SLC5A8: variants seen among roughly 807,000 people sequenced by gnomAD.
SLC5A8 encodes the protein sodium-coupled monocarboxylate transporter 1.
Under a neutral mutation model 71.9 loss-of-function variants are expected in SLC5A8, and 55 were observed. That is an observed-to-expected ratio of 0.77 (90% CI 0.62 to 0.96). The LOEUF is 0.96. Among genes scored for constraint, SLC5A8 ranks in the 40% least tolerant of loss-of-function variants. The pLI, the probability that SLC5A8 is intolerant of heterozygous loss-of-function variation, is 0.00. For synonymous variants in SLC5A8, 307 were observed against 276.1 expected (o/e 1.11, Z -1.11); for missense variants, 701 against 745.3 (o/e 0.94, Z 0.69).
chr12:101,162,492 T>C (rs1448398820), intron 12 of SLC5A8, among the ~76,000 whole-genome samples: 2 of 152,296 alleles, frequency 1.3e-5, no homozygotes, highest in Admixed American at 6.5e-5. Flanking sequence ...GCAATCAACC[T>C]AGGTGCCCAT....
chr12:101,194,817 A>G (rs968616069), intron 4 of SLC5A8, among the ~76,000 whole-genome samples: 4 of 152,170 alleles, frequency 2.6e-5, no homozygotes, highest in Non-Finnish European at 4.4e-5. Flanking sequence ...TATGAGCACA[A>G]ATATAATAAC....
intron 12 of SLC5A8, among the ~76,000 whole-genome samples, chr12:101,164,948 T>G (rs2051755700): frequency 6.6e-6 from 1 of 152,218 alleles, no homozygotes; most frequent in South Asian, 2.1e-4. Flanking sequence ...ACACTCCAAC[T>G]TTGTACTCAC....
intron 3 of SLC5A8, among the ~76,000 whole-genome samples, chr12:101,198,097 A>C (rs1490920567): frequency 1.3e-5 from 2 of 152,060 alleles, no homozygotes; most frequent in Non-Finnish European, 2.9e-5. Context: ...AAGAAATCAC[A>C]GGAGAAGTTA....
In SLC5A8 at chr12:101,158,383, A is replaced by G. The variant is rs2051687816; in HGVS notation, c.1631-55T>C. 5.4e-6 allele frequency: 6 copies of G among 1,108,888 alleles called. 1 individual carries two copies. In the Admixed American group the frequency reaches 1.2e-4, roughly 23 times the overall value. 68.7% of individuals were successfully genotyped at this position (1,108,888 alleles called of 1,614,324 possible). On this transcript the variant is annotated intron_variant, in intron 13 of 14. Transcript: ENST00000536262. ...TGTTAAAAAGGACACCAGTAACTAC[A>G]CAGAGACATTCCATTATACAGGCAT...
chr12:101,170,805 G>C (rs535312883), intron 10 of SLC5A8, among the ~76,000 whole-genome samples: 3 of 152,174 alleles, frequency 2.0e-5, no homozygotes, highest in East Asian at 3.9e-4. Context: ...GTGGAGAATC[G>C]GGACTTTCAC....
intron 10 of SLC5A8, among the ~76,000 whole-genome samples, chr12:101,168,918 G>A (rs537741135): frequency 3.0e-4 from 46 of 152,320 alleles, no homozygotes; most frequent in South Asian, 2.7e-3. Context: ...AGAGAGTAAA[G>A]GGGTTTAATA....
intron 12 of SLC5A8, among the ~76,000 whole-genome samples, chr12:101,165,053 G>A (rs1036335481): frequency 6.6e-6 from 1 of 152,024 alleles, no homozygotes; most frequent in African/African-American, 2.4e-5. Context: ...GCGTATATTT[G>A]CACATTCCCT....
chr12:101,204,511 T>C lies in SLC5A8; in HGVS notation c.406A>G (p.Ile136Val), dbSNP rs908253732. 5.6e-6 allele frequency: 9 copies of C among 1,594,934 alleles called. No individual in the cohort carries two copies. In the African/African-American group the frequency reaches 9.5e-5, roughly 17 times the overall value. The change falls in exon 2 of 15, where the codon ATT becomes GTT. Residue 136 changes from isoleucine (I) to valine (V), a missense_variant. By Grantham distance (29) the Ile-to-Val change is conservative. Coordinates refer to ENST00000536262, the MANE Select transcript of SLC5A8 (RefSeq NM_145913.5). ...GGAGAGCTACTTACTGTTTGAACAA[T>C]GAAGAGGACTGTTCCACAGAGACGA... ...CVRLCGTVLFIVQTILYTGIV... is the reference protein window; with the variant it reads ...CVRLCGTVLFVVQTILYTGIV...
intron 13 of SLC5A8, among the ~76,000 whole-genome samples, chr12:101,160,436 G>T (rs1593359677): frequency 6.6e-6 from 1 of 152,234 alleles, no homozygotes; most frequent in African/African-American, 2.4e-5. Flanking sequence ...GCAGGATTCT[G>T]TAAAGTGGCA....
In SLC5A8 at chr12:101,168,079, T is replaced by C; in HGVS notation, c.1320+17A>G. The C allele has an allele frequency of 1.9e-6, 3 of 1,595,602 alleles. No homozygotes were observed. Among genetic ancestry groups the C allele is most frequent in the Non-Finnish European group, 2.6e-6 (3 of 1,169,284 alleles). On this transcript the variant is annotated intron_variant, in intron 11 of 14. Transcript: ENST00000536262. ...TTCAAAAAGTAATCCTCAAGCATAT[T>C]CATTCTTTGTACTTACAATTGAGTT...
intron 8 of SLC5A8, 108 bp downstream of exon 8, chr12:101,184,026 G>A (rs563556328): frequency 1.9e-6 from 2 of 1,067,538 alleles, no homozygotes; most frequent in South Asian, 3.1e-5. Flanking sequence ...CCTACTTTGG[G>A]CCATCTGTGT....
chr12:101,191,749 TTGTC>T (rs1412848561), intron 5 of SLC5A8, among the ~76,000 whole-genome samples: 1 of 152,216 alleles, frequency 6.6e-6, no homozygotes, highest in Non-Finnish European at 1.5e-5. Context: ...GAGCAATACT[TTGTC>T]TATCATATTC....
intron 10 of SLC5A8, among the ~76,000 whole-genome samples, chr12:101,168,864 T>G (rs1290361153): frequency 1.3e-5 from 2 of 152,164 alleles, no homozygotes; most frequent in African/African-American, 4.8e-5. Context: ...TTCTTAAGAA[T>G]GGACACAACC....
intron 1 of SLC5A8, among the ~76,000 whole-genome samples, chr12:101,205,995 C>A (rs1007842921): frequency 1.3e-5 from 2 of 152,172 alleles, no homozygotes; most frequent in African/African-American, 4.8e-5. Flanking sequence ...CAGTCCCACG[C>A]CTGACTCCAT....
chr12:101,195,839 G>C (rs1273978811), intron 3 of SLC5A8, among the ~76,000 whole-genome samples: 1 of 151,694 alleles, frequency 6.6e-6, no homozygotes, highest in African/African-American at 2.4e-5. Flanking sequence ...TGGGACTACA[G>C]GCACGCAGCA....
At chr12:101,202,998 T>G (rs1869523496) in intron 2 of SLC5A8, among the ~76,000 whole-genome samples, 1 of 152,120 alleles carries the variant, frequency 6.6e-6, no homozygotes, top group Non-Finnish European at 1.5e-5. Flanking sequence ...AAATGGGAGG[T>G]GGTAAAGCTC....
At chr12:101,158,598 C>CTCTCTCTCTCTATA (rs1411795424) in intron 13 of SLC5A8, among the ~76,000 whole-genome samples, 17 of 21,222 alleles carry the variant, frequency 8.0e-4, no homozygotes, top group South Asian at 2.1e-3. Context: ...CTCTCTCTCT[C>CTCTCTCTCTCTATA]TATATATATA....
rs767577313 is a variant in SLC5A8, at chr12:101,209,535, G to A, written c.314C>T (p.Pro105Leu). ...GGTAATTCCCAGTTTGTAGAACACC[G>A]GGAGGAAGACCTCCGCGCTGATGAC... is the stretch of plus-strand genomic sequence containing the variant. ...VVVISAEVFL[P>L]VFYKLGITST... The change falls in exon 1 of 15, where the codon CCG becomes CTG. Residue 105 changes from proline (P) to leucine (L), a missense_variant. Transcript: ENST00000536262. 3.2e-5 allele frequency: 45 copies of A among 1,403,880 alleles called. No individual in the cohort carries two copies. The highest frequency in any genetic ancestry group is 4.0e-5 in the Non-Finnish European group (42 of 1,048,300). The allele number at this position is 1,403,880 out of a possible 1,614,324, so 87.0% of individuals were successfully genotyped here. A position where few individuals can be genotyped will look rare whatever the true frequency, so the allele number is the denominator to read the frequency against.
rs1272665101 is a variant in SLC5A8 at position 101,209,822 on chromosome 12, G to A, written c.27C>T (p.Thr9=). The A allele has an allele frequency of 1.3e-6, 2 of 1,578,618 alleles. No homozygotes were observed. The highest frequency in any genetic ancestry group is 2.2e-5 in the East Asian group (1 of 44,448). MDTPRGIG[T]FVVWDYVVFA... ...ACACCACGTAGTCCCACACCACGAA[G>A]GTGCCGATGCCCCGTGGCGTGTCCA... The change falls in exon 1 of 15, where the codon ACC becomes ACT. Residue 9 remains threonine (T), a synonymous_variant. Coordinates refer to ENST00000536262, the MANE Select transcript of SLC5A8 (RefSeq NM_145913.5).
Sources: allele counts gnomAD v4.1 joint callset (sites outside exome capture counted in the v4.1 genomes callset), GRCh38; gene constraint gnomAD v4.1.1; transcripts MANE v1.5; gene names NCBI Gene and HGNC (gene_info 2026-07-23, HGNC 2026-07-21).